PCNX2: variants seen among roughly 807,000 people sequenced by gnomAD.
The protein encoded by PCNX2 is pecanex 2.
PCNX2 carries 168 observed loss-of-function variants against 223.8 expected under a neutral mutation model. The observed-to-expected ratio is 0.75, with a 90% CI of 0.66 to 0.85. PCNX2 has a LOEUF of 0.85. PCNX2 is among the 40% of genes least tolerant of loss of function. The probability of loss-of-function intolerance (pLI) is 0.00; values close to 1 mark genes in which losing one functional copy is unlikely to be tolerated. For synonymous variants in PCNX2, 1,006 were observed against 1,052.6 expected (o/e 0.96, Z 0.86); for missense variants, 2,507 against 2,675.5 (o/e 0.94, Z 1.39).
intron 1 of PCNX2, among the ~76,000 whole-genome samples, chr1:233,287,967 T>C (rs570198355): frequency 1.3e-5 from 2 of 152,350 alleles, no homozygotes; most frequent in East Asian, 3.9e-4. Flanking sequence ...GCTGTGATTC[T>C]TACCTATTCC....
intron 18 of PCNX2, 92 bp from the exon 19 acceptor site, chr1:233,160,525 C>A: frequency 7.3e-7 from 1 of 1,366,152 alleles, no homozygotes. Context: ...TGTCCTTCCA[C>A]TTTTTCCTCT....
At chr1:233,248,678 T>C (rs935252190) in intron 8 of PCNX2, among the ~76,000 whole-genome samples, 7 of 152,090 alleles carry the variant, frequency 4.6e-5, no homozygotes, top group African/African-American at 1.7e-4. Context: ...TTAAACCTGT[T>C]TGAGATGGGT....
At chr1:233,220,266 G>A (rs924091169) in intron 10 of PCNX2, among the ~76,000 whole-genome samples, 1 of 152,218 alleles carries the variant, frequency 6.6e-6, no homozygotes, top group Non-Finnish European at 1.5e-5. Flanking sequence ...GTTTTGCATG[G>A]ACGTATGTTT....
At position 233,248,876 on chromosome 1, in the gene PCNX2, G is replaced by A. The variant is rs187863038; in HGVS notation, c.2222+1863C>T. Among the ~76,000 whole-genome samples the A allele has an allele frequency of 1.3e-3, 192 of 152,222 alleles. 2 individuals are homozygous for A. The highest frequency in any genetic ancestry group is 4.5e-3 in the African/African-American group (189 of 41,546). ...CCCCAACACAACCTCACCAAAAGCCGTTTCACCAAGGCTGAATGCACTGTG... is the reference window on the plus strand; with the variant it reads ...CCCCAACACAACCTCACCAAAAGCCATTTCACCAAGGCTGAATGCACTGTG... On this transcript the variant is annotated intron_variant, in intron 8 of 33. Transcript: ENST00000258229.
chr1:233,008,772 T>C (rs1670369049), intron 28 of PCNX2, among the ~76,000 whole-genome samples: 2 of 152,172 alleles, frequency 1.3e-5, no homozygotes, highest in South Asian at 4.1e-4. Context: ...CAAGATGCCA[T>C]CCCAGGGTTG....
intron 21 of PCNX2, among the ~76,000 whole-genome samples, chr1:233,122,330 CT>C (rs1325918557): frequency 1.3e-5 from 2 of 152,062 alleles, no homozygotes; most frequent in African/African-American, 4.8e-5. Context: ...AATTTTGATA[CT>C]TTCCCCCAAA....
Position 232,991,317 on chromosome 1 carries a change from T to G in PCNX2, c.5792-4777A>C, listed in dbSNP as rs1452612115. ...AGGGGGCCCTGGAAAGGAGAATGCT[T>G]GACACTGTTGAGGGACAGCAAGAGA... On this transcript the variant is annotated intron_variant, in intron 32 of 33. Coordinates refer to ENST00000258229, the MANE Select transcript of PCNX2 (RefSeq NM_014801.4). The surrounding 1 kb of genome is among the most constrained non-coding windows in gnomAD (Gnocchi z 4.3). Among the ~76,000 whole-genome samples, 1 of 151,850 alleles carries G rather than the reference T, an allele frequency of 6.6e-6. No individual in the cohort carries two copies. The highest frequency in any genetic ancestry group is 1.5e-5 in the Non-Finnish European group (1 of 67,942).
rs563229437 is a variant in PCNX2 at position 233,258,785 on chromosome 1, G to A, written c.1077C>T (p.Ile359=). Reference sequence around the variant, plus strand: ...GTGGGTCTCCGGGTTGAGAAGTATCGATGAGAGTAACAGCTACCTCACTAT... The same window carrying A: ...GTGGGTCTCCGGGTTGAGAAGTATCAATGAGAGTAACAGCTACCTCACTAT... ...SSDSEVAVTL[I]DTSQPGDPLS... Residue 359 remains isoleucine, a synonymous_variant, in exon 5 of 34, where the codon ATC becomes ATT. Transcript: ENST00000258229. 1.2e-5 allele frequency: 20 copies of A among 1,613,660 alleles called. No homozygotes were observed. The African/African-American group carries it at 1.9e-4, about 15-fold the overall frequency.
intron 15 of PCNX2, among the ~76,000 whole-genome samples, chr1:233,196,333 A>T (rs1052784195): frequency 9.2e-5 from 14 of 151,900 alleles, no homozygotes; most frequent in South Asian, 2.1e-4. Flanking sequence ...GGTAAGACAT[A>T]AAAAAAACCC....
chr1:233,231,670 C>T (rs1658072310), intron 9 of PCNX2: 2 of 984,848 alleles, frequency 2.0e-6, no homozygotes, highest in African/African-American at 1.7e-5. Flanking sequence ...GAACAGTAGA[C>T]AGAAGAAAAA....
chr1:233,000,489 T>C lies in PCNX2; in HGVS notation c.5144A>G (p.Tyr1715Cys). Residue 1715 changes from tyrosine to cysteine, a missense_variant, in exon 30 of 34, where the codon TAC becomes TGC. By Grantham distance (194) the Tyr-to-Cys change is radical. This residue lies in a region of PCNX2 where 1,372 missense variants were observed against 1,509.4 expected (regional missense o/e 0.91). Transcript: ENST00000258229. The surrounding 1 kb of genome is among the most constrained non-coding windows in gnomAD (Gnocchi z 4.6). ...PDEYEDPAVL[Y>C]EAIQSFEKKV... ...CTTCTCGAAGGACTGGATGGCCTCG[T>C]AGAGGACTGCTGGGTCTTCATACTC... The C allele has an allele frequency of 1.2e-6, 2 of 1,602,444 alleles. No homozygotes were observed. The highest frequency in any genetic ancestry group is 2.2e-5 in the South Asian group (2 of 89,302).
intron 8 of PCNX2, chr1:233,241,335 G>T: frequency 1.0e-6 from 1 of 985,394 alleles, no homozygotes; most frequent in Non-Finnish European, 1.2e-6. Context: ...CAATTCTCAG[G>T]CTTTCAGAGA....
chr1:233,215,960 G>A (rs1310655582), intron 12 of PCNX2, among the ~76,000 whole-genome samples: 2 of 152,180 alleles, frequency 1.3e-5, no homozygotes, highest in African/African-American at 4.8e-5. Flanking sequence ...CCATGTGATC[G>A]TCCAATTATA....
chr1:233,274,634 G>T (rs1211583302), intron 1 of PCNX2, among the ~76,000 whole-genome samples: 3 of 152,142 alleles, frequency 2.0e-5, no homozygotes, highest in Non-Finnish European at 4.4e-5. Flanking sequence ...GAGGAATGGG[G>T]GTAGCAGACC....
intron 21 of PCNX2, among the ~76,000 whole-genome samples, chr1:233,099,394 A>G (rs1674354915): frequency 6.6e-6 from 1 of 152,246 alleles, no homozygotes; most frequent in Admixed American, 6.5e-5. Flanking sequence ...ACAGTAAAAA[A>G]GGACCTGATC....
chr1:233,117,632 T>C (rs1006248881), intron 21 of PCNX2, among the ~76,000 whole-genome samples: 11 of 145,336 alleles, frequency 7.6e-5, no homozygotes, highest in Non-Finnish European at 1.5e-4. Context: ...ACAACCCCCA[T>C]ACACAAAAAT....
chr1:233,320,030 C>T, the PCNX2 span, among the ~76,000 whole-genome samples: 1 of 152,136 alleles, frequency 6.6e-6, no homozygotes, highest in African/African-American at 2.4e-5. Flanking sequence ...TATGTTTCTG[C>T]ATTCAACGTG....
Position 233,227,255 on chromosome 1 carries a change from A to C in PCNX2, c.2475T>G (p.Asp825Glu). Residue 825 changes from aspartate to glutamate, a missense_variant, in exon 10 of 34, where the codon GAT (aspartate) becomes GAG (glutamate). By Grantham distance (45) the Asp-to-Glu change is conservative (BLOSUM62 2). Coordinates refer to ENST00000258229, the MANE Select transcript of PCNX2 (RefSeq NM_014801.4). ...CAAGTAATGCCAGCAAGGTCAGTCGATCATACCAGACTTTAATCCACTTGC... is the reference window on the plus strand; with the variant it reads ...CAAGTAATGCCAGCAAGGTCAGTCGCTCATACCAGACTTTAATCCACTTGC... ...FPGKWIKVWYDRLTLLALLDR... is the reference protein window; with the variant it reads ...FPGKWIKVWYERLTLLALLDR... 6.2e-7 allele frequency: 1 copy of C among 1,613,056 alleles called. No homozygotes were observed. The highest frequency in any genetic ancestry group is 8.5e-7 in the Non-Finnish European group (1 of 1,179,430).
chr1:233,152,681 G>A (rs974762678), intron 19 of PCNX2, among the ~76,000 whole-genome samples: 1 of 152,160 alleles, frequency 6.6e-6, no homozygotes, highest in Non-Finnish European at 1.5e-5. Context: ...AAAACTGTAT[G>A]TATGACATGT....
Sources: allele counts gnomAD v4.1 joint callset (sites outside exome capture counted in the v4.1 genomes callset), GRCh38; gene constraint gnomAD v4.1.1; regional missense constraint gnomAD v4.1.1; non-coding constraint Gnocchi (gnomAD v3.1); transcripts MANE v1.5; gene names NCBI Gene and HGNC (gene_info 2026-07-23, HGNC 2026-07-21).